INVS: variants seen among roughly 807,000 people sequenced by gnomAD.
INVS encodes the protein inversion of embryo turning homolog.
Under a neutral mutation model 108.8 loss-of-function variants are expected in INVS, and 86 were observed. That is an observed-to-expected ratio of 0.79 (90% CI 0.66 to 0.95). INVS has a LOEUF of 0.95. Ranked by LOEUF, INVS falls within the 40% of genes least tolerant of loss-of-function variation. The pLI, the probability that INVS is intolerant of heterozygous loss-of-function variation, is 0.00. For missense variants in INVS, 1,169 were observed against 1,297.4 expected, an observed-to-expected ratio of 0.90 and a Z score of 1.52; for synonymous variants, 455 against 473.5, an observed-to-expected ratio of 0.96 and a Z score of 0.51.
At chr9:100,166,286 A>G (rs1459154445) in intron 3 of INVS, among the ~76,000 whole-genome samples, 3 of 152,186 alleles carry the variant, frequency 2.0e-5, no homozygotes, top group Non-Finnish European at 1.5e-5. Flanking sequence ...AGGCAGGATG[A>G]GGGGTTGAGC....
chr9:100,141,609 A>G (rs1427582187), intron 3 of INVS, among the ~76,000 whole-genome samples: 1 of 152,186 alleles, frequency 6.6e-6, no homozygotes, highest in Non-Finnish European at 1.5e-5. Flanking sequence ...GCGTCTACCT[A>G]GACTAAGAGG....
chr9:100,189,934 T>C (rs1450341143), intron 3 of INVS, among the ~76,000 whole-genome samples: 1 of 152,046 alleles, frequency 6.6e-6, no homozygotes, highest in Non-Finnish European at 1.5e-5. Context: ...CCATTTGTTG[T>C]AGAGTGCAGT....
chr9:100,288,555 G>A (rs553148850), intron 13 of INVS, among the ~76,000 whole-genome samples: 82 of 151,904 alleles, frequency 5.4e-4, no homozygotes, highest in African/African-American at 1.8e-3. Context: ...TTTTTTTGTC[G>A]AGCTGAGAGG....
chr9:100,175,310 A>T, intron 3 of INVS: 1 of 714,062 alleles, frequency 1.4e-6, no homozygotes, highest in Admixed American at 1.8e-5. Flanking sequence ...TTCTGCTGAG[A>T]TGCCTCACAC....
intron 3 of INVS, among the ~76,000 whole-genome samples, chr9:100,142,797 G>C (rs1430682634): frequency 6.6e-6 from 1 of 152,128 alleles, no homozygotes; most frequent in Non-Finnish European, 1.5e-5. Context: ...CATGAGGGTT[G>C]GGTTAAAACA....
intron 2 of INVS, among the ~76,000 whole-genome samples, chr9:100,116,578 A>G (rs1002594357): frequency 6.6e-6 from 1 of 152,116 alleles, no homozygotes; most frequent in Non-Finnish European, 1.5e-5. Flanking sequence ...ATGAAATCTA[A>G]TTTATTAATT....
intron 12 of INVS, among the ~76,000 whole-genome samples, chr9:100,278,628 A>G (rs1001144489): frequency 6.6e-6 from 1 of 152,230 alleles, no homozygotes; most frequent in Non-Finnish European, 1.5e-5. Context: ...CAAAGGGTCT[A>G]AAACCTTACA....
intron 16 of INVS, 57 bp downstream of exon 16, chr9:100,298,067 T>C: frequency 1.9e-6 from 3 of 1,613,300 alleles, no homozygotes; most frequent in Non-Finnish European, 1.7e-6. Context: ...GCATTTTCCT[T>C]TGTTTCATCC....
intron 3 of INVS, among the ~76,000 whole-genome samples, chr9:100,174,629 C>A (rs1290025869): frequency 6.6e-6 from 1 of 151,980 alleles, no homozygotes; most frequent in Non-Finnish European, 1.5e-5. Flanking sequence ...CAAAGAAAAT[C>A]TTGGCCAGGC....
chr9:100,245,832 C>G (rs1352562400), intron 7 of INVS, among the ~76,000 whole-genome samples: 1 of 152,024 alleles, frequency 6.6e-6, no homozygotes, highest in Non-Finnish European at 1.5e-5. Context: ...TGGAGGCATG[C>G]CTGAATAGAT....
chr9:100,156,112 A>G (rs1828969920), intron 3 of INVS, among the ~76,000 whole-genome samples: 1 of 152,142 alleles, frequency 6.6e-6, no homozygotes, highest in African/African-American at 2.4e-5. Context: ...CTGGATGGCA[A>G]GATATCTAAC....
At chr9:100,137,948 T>C (rs1337933329) in intron 3 of INVS, among the ~76,000 whole-genome samples, 1 of 152,186 alleles carries the variant, frequency 6.6e-6, no homozygotes, top group Non-Finnish European at 1.5e-5. Flanking sequence ...TTTTGTAGGA[T>C]TTTTTTGCTG....
intron 3 of INVS, among the ~76,000 whole-genome samples, chr9:100,173,293 G>A (rs572514425): frequency 7.9e-5 from 12 of 152,328 alleles, no homozygotes; most frequent in African/African-American, 2.9e-4. Flanking sequence ...ACCGTAAGAA[G>A]AGGATAGCAC....
intron 10 of INVS, among the ~76,000 whole-genome samples, chr9:100,259,820 G>A (rs1489749109): frequency 2.0e-5 from 3 of 151,764 alleles, no homozygotes; most frequent in African/African-American, 7.3e-5. Flanking sequence ...TAAGTGCTGG[G>A]ATTACAGGCA....
intron 3 of INVS, among the ~76,000 whole-genome samples, chr9:100,201,505 A>AATC (rs1830530890): frequency 6.6e-6 from 1 of 152,234 alleles, no homozygotes; most frequent in African/African-American, 2.4e-5. Flanking sequence ...ACTTAGGTCA[A>AATC]GTTTTGAGAA....
intron 3 of INVS, among the ~76,000 whole-genome samples, chr9:100,128,687 A>G (rs1827958532): frequency 6.6e-6 from 1 of 152,184 alleles, no homozygotes; most frequent in Non-Finnish European, 1.5e-5. Flanking sequence ...AAACATCTTC[A>G]CCTTAAACTT....
chr9:100,166,829 C>A (rs571943463), intron 3 of INVS, among the ~76,000 whole-genome samples: 1 of 152,292 alleles, frequency 6.6e-6, no homozygotes, highest in South Asian at 2.1e-4. Context: ...ATAATAGTGT[C>A]CTAACTGGTC....
At chr9:100,220,992 AT>A (rs1219455695) in intron 3 of INVS, among the ~76,000 whole-genome samples, 2 of 151,790 alleles carry the variant, frequency 1.3e-5, no homozygotes, top group African/African-American at 2.4e-5. Context: ...AAAAAAATAG[AT>A]TAACTTCCAA....
chr9:100,108,700 C>T (rs1827250687), intron 2 of INVS, among the ~76,000 whole-genome samples: 1 of 152,138 alleles, frequency 6.6e-6, no homozygotes, highest in Non-Finnish European at 1.5e-5. Flanking sequence ...CTGTTTTCCC[C>T]TCTCTGTTTC....
Sources: gnomAD v4.1 joint callset for allele counts (sites outside exome capture counted in the v4.1 genomes callset) on GRCh38, gnomAD v4.1.1 for gene constraint, MANE v1.5 for transcripts, NCBI Gene and HGNC (gene_info 2026-07-23, HGNC 2026-07-21) for gene names.